Variants in CYP4Z1 observed in about 807,000 individuals in gnomAD.
CYP4Z1 encodes cytochrome P450 family 4 subfamily Z member 1, also known as cytochrome P450 4Z1.
CYP4Z1 carries 41 observed loss-of-function variants against 54.2 expected under a neutral mutation model. The observed-to-expected ratio is 0.76, with a 90% CI of 0.59 to 0.98. CYP4Z1 has a LOEUF of 0.98. Ranked by LOEUF, CYP4Z1 falls within the 50% of genes least tolerant of loss-of-function variation. The pLI is 0.00. For missense variants in CYP4Z1, 513 were observed against 599.0 expected, an observed-to-expected ratio of 0.86 and a Z score of 1.50; for synonymous variants, 163 against 206.2, an observed-to-expected ratio of 0.79 and a Z score of 1.79.
chr1:47,097,653 T>C (rs1009475706), intron 7 of CYP4Z1, among the ~76,000 whole-genome samples: 1 of 152,142 alleles, frequency 6.6e-6, no homozygotes, highest in Non-Finnish European at 1.5e-5. Context: ...CCCTATTCTG[T>C]TCCATTGGTC....
chr1:47,115,628 A>C lies in CYP4Z1; in HGVS notation c.1266+35A>C, dbSNP rs1291143174. 3 of 1,579,402 alleles carry C rather than the reference A, an allele frequency of 1.9e-6. No individual in the cohort carries two copies. The African/African-American group carries it at 4.1e-5, about 21-fold the overall frequency. ...TCCCAACTGCACCCAGTGGCATCTA[A>C]GATAGCACCAAGAGGGAAGAGAAGC... On this transcript the variant is annotated intron_variant, in intron 10 of 11. Coordinates refer to ENST00000334194, the MANE Select transcript of CYP4Z1 (RefSeq NM_178134.3).
intron 9 of CYP4Z1, among the ~76,000 whole-genome samples, chr1:47,114,061 G>T (rs1022494600): frequency 6.6e-6 from 1 of 151,954 alleles, no homozygotes; most frequent in Non-Finnish European, 1.5e-5. Context: ...CAAGGCTACA[G>T]TAACCAAAAC....
At chr1:47,087,767 T>A (rs1249239008) in intron 6 of CYP4Z1, among the ~76,000 whole-genome samples, 2 of 152,228 alleles carry the variant, frequency 1.3e-5, no homozygotes, top group African/African-American at 4.8e-5. Context: ...ATCCCTGTCT[T>A]GTGCCAGTTT....
intron 3 of CYP4Z1, among the ~76,000 whole-genome samples, chr1:47,081,927 T>C (rs1293466132): frequency 6.8e-6 from 1 of 147,906 alleles, no homozygotes; most frequent in African/African-American, 2.6e-5. Flanking sequence ...TCTCAAAGTG[T>C]GGACCTGAAC....
rs1644843673 is a variant in CYP4Z1, at chr1:47,118,003, A to G, written c.*69A>G. On this transcript the variant is annotated 3_prime_UTR_variant, in exon 12 of 12. Transcript: ENST00000334194. ...CCAAAGGAAGAACAAAAGGATAAAT[A>G]TAATACAAAATATATGTATATGGTT... 5 of 1,444,800 alleles carry G rather than the reference A, an allele frequency of 3.5e-6. No homozygotes were observed. Among genetic ancestry groups the G allele is most frequent in the Non-Finnish European group, 4.7e-6 (5 of 1,057,884 alleles). 89.5% of individuals were successfully genotyped at this position (1,444,800 alleles called of 1,614,324 possible). A position where few individuals can be genotyped will look rare whatever the true frequency, so the allele number is the denominator to read the frequency against.
At chr1:47,093,715 T>C (rs1453732877) in intron 6 of CYP4Z1, among the ~76,000 whole-genome samples, 1 of 152,196 alleles carries the variant, frequency 6.6e-6, no homozygotes. Context: ...AATTTGGCTA[T>C]GGAAGACATT....
chr1:47,098,162 A>G (rs1339588000), intron 7 of CYP4Z1, among the ~76,000 whole-genome samples: 1 of 152,160 alleles, frequency 6.6e-6, no homozygotes, highest in Non-Finnish European at 1.5e-5. Flanking sequence ...AAGAATCTCA[A>G]TAGTAGTTTA....
intron 10 of CYP4Z1, among the ~76,000 whole-genome samples, chr1:47,115,948 T>A (rs1420572173): frequency 6.6e-6 from 1 of 152,190 alleles, no homozygotes; most frequent in Non-Finnish European, 1.5e-5. Context: ...TTACTGGTCA[T>A]AATTAAAGTA....
chr1:47,055,619 G>A, the CYP4Z1 span, among the ~76,000 whole-genome samples: 8 of 152,320 alleles, frequency 5.3e-5, no homozygotes. Flanking sequence ...TCTATTCAGA[G>A]ATTCAACTTC....
At chr1:47,061,676 A>T in the CYP4Z1 span, among the ~76,000 whole-genome samples, 1 of 152,222 alleles carries the variant, frequency 6.6e-6, no homozygotes, top group Non-Finnish European at 1.5e-5. Flanking sequence ...GCTCTAGCTC[A>T]TTCTATAAGA....
the CYP4Z1 span, among the ~76,000 whole-genome samples, chr1:47,059,210 ATTTT>A: frequency 6.6e-6 from 1 of 152,196 alleles, no homozygotes; most frequent in Non-Finnish European, 1.5e-5. Flanking sequence ...CTTACATAAT[ATTTT>A]TATATGTCCC....
chr1:47,084,924 A>C lies in CYP4Z1; in HGVS notation c.718A>C (p.Ser240Arg), dbSNP rs1644580860. ...TCACAACGACCTGGTTTTCAAATTC[A>C]GCTCTCAAGGCCAAATCTTTTCTAA... The part of the protein sequence containing the change: ...LHHNDLVFKF[S>R]SQGQIFSKFN... Residue 240 changes from serine (S) to arginine (R), a missense_variant, in exon 6 of 12, where the codon AGC becomes CGC. By Grantham distance (110) the Ser-to-Arg change is moderately radical. Transcript: ENST00000334194. 3.3e-6 allele frequency: 5 copies of C among 1,538,416 alleles called. No individual in the cohort carries two copies. In the African/African-American group the frequency reaches 5.6e-5, roughly 17 times the overall value.
chr1:47,114,717 A>G (rs1475708785), intron 9 of CYP4Z1, among the ~76,000 whole-genome samples: 1 of 152,224 alleles, frequency 6.6e-6, no homozygotes, highest in Non-Finnish European at 1.5e-5. Flanking sequence ...ACTGGCCATC[A>G]GAGAAATGCA....
At chr1:47,055,660 G>A in the CYP4Z1 span, among the ~76,000 whole-genome samples, 3 of 152,192 alleles carry the variant, frequency 2.0e-5, no homozygotes, top group Middle Eastern at 3.2e-3. Flanking sequence ...GGGTGTATGT[G>A]TCGAGGAATT....
chr1:47,065,395 A>G (rs1644444144), upstream of CYP4Z1, among the ~76,000 whole-genome samples: 1 of 152,164 alleles, frequency 6.6e-6, no homozygotes, highest in Non-Finnish European at 1.5e-5. Flanking sequence ...AAAATCATGA[A>G]AATACATGGA....
chr1:47,117,080 T>A (rs540115598), intron 11 of CYP4Z1, among the ~76,000 whole-genome samples: 3 of 152,286 alleles, frequency 2.0e-5, no homozygotes, highest in African/African-American at 7.2e-5. Context: ...CAGCTCTTGT[T>A]CCTACAGAGA....
intron 8 of CYP4Z1, among the ~76,000 whole-genome samples, chr1:47,101,678 C>G (rs1644722794): frequency 6.6e-6 from 1 of 152,138 alleles, no homozygotes; most frequent in South Asian, 2.1e-4. Context: ...ACAGTCTATA[C>G]TGGAAAATAT....
In CYP4Z1 at chr1:47,086,653, C is replaced by T. The variant is rs191117126; in HGVS notation, c.772+1675C>T. Among the ~76,000 whole-genome samples the T allele has an allele frequency of 1.1e-3, 164 of 152,274 alleles. 1 individual carries two copies. The highest frequency in any genetic ancestry group is 5.0e-4 in the Non-Finnish European group (34 of 68,032). On this transcript the variant is annotated intron_variant, in intron 6 of 11. Coordinates refer to ENST00000334194, the MANE Select transcript of CYP4Z1 (RefSeq NM_178134.3). ...CTCCCATCTGTAGGCTGTCTGTTCA[C>T]TCTGATGGTAGTTTCTTTTGCTGTG...
At chr1:47,113,685 C>T (rs1217563479) in intron 9 of CYP4Z1, among the ~76,000 whole-genome samples, 1 of 152,206 alleles carries the variant, frequency 6.6e-6, no homozygotes, top group Non-Finnish European at 1.5e-5. Context: ...TGAGCGAACT[C>T]CCATTCACAA....
Sources: allele counts gnomAD v4.1 joint callset (sites outside exome capture counted in the v4.1 genomes callset), GRCh38; gene constraint gnomAD v4.1.1; transcripts MANE v1.5; gene names NCBI Gene and HGNC (gene_info 2026-07-23, HGNC 2026-07-21).